SCN3A: variants seen among roughly 807,000 people sequenced by gnomAD.
The protein encoded by SCN3A is sodium voltage-gated channel alpha subunit 3.
A neutral mutation model predicts 187.6 loss-of-function variants in SCN3A; 60 were observed. The observed-to-expected ratio is 0.32, with a 90% CI of 0.26 to 0.40. SCN3A has a LOEUF of 0.40. SCN3A is among the 10% of genes least tolerant of loss of function. The pLI is 1.00. For missense variants in SCN3A, 1,601 were observed against 2,428.2 expected (o/e 0.66, Z 7.16); for synonymous variants, 788 against 829.2 (o/e 0.95, Z 0.85).
intron 21 of SCN3A, among the ~76,000 whole-genome samples, chr2:165,107,118 G>A (rs1685899916): frequency 6.6e-6 from 1 of 152,150 alleles, no homozygotes; most frequent in Non-Finnish European, 1.5e-5. Flanking sequence ...ATGAACATGT[G>A]CAGATAACAG....
intron 11 of SCN3A, among the ~76,000 whole-genome samples, chr2:165,148,992 A>AAT (rs1016639027): frequency 2.3e-4 from 35 of 152,118 alleles, no homozygotes; most frequent in African/African-American, 7.0e-4. Context: ...TGAAACAGTG[A>AAT]ATATATATAT....
intron 21 of SCN3A, among the ~76,000 whole-genome samples, chr2:165,102,660 C>T (rs796229634): frequency 5.3e-5 from 8 of 152,322 alleles, no homozygotes; most frequent in African/African-American, 1.9e-4. Context: ...GTTAGAGAAG[C>T]TGGGCTTAAT....
At chr2:165,120,799 C>A (rs1378574538) in intron 18 of SCN3A, among the ~76,000 whole-genome samples, 1 of 135,362 alleles carries the variant, frequency 7.4e-6, no homozygotes. Flanking sequence ...GCCAGTAGCT[C>A]TTTTTTTTTT....
In SCN3A at chr2:165,102,680, C is replaced by T. The variant is rs182499298; in HGVS notation, c.3844-2256G>A. On this transcript the variant is annotated intron_variant, in intron 21 of 27. Transcript: ENST00000283254. ...AGAAGCTGGGCTTAATGAAGCTACA[C>T]TTATTTTAATGGACCTCATGGCCCA... Among the ~76,000 whole-genome samples, 32 of 152,262 alleles carry T rather than the reference C, an allele frequency of 2.1e-4. No individual in the cohort carries two copies. In the East Asian group the frequency reaches 5.8e-3, roughly 28 times the overall value.
intron 18 of SCN3A, among the ~76,000 whole-genome samples, chr2:165,122,099 T>C (rs1009263473): frequency 2.6e-5 from 4 of 152,166 alleles, no homozygotes; most frequent in Non-Finnish European, 5.9e-5. Context: ...CACTATGGTT[T>C]TGCAGACATA....
chr2:165,115,128 A>G (rs1686298992), intron 19 of SCN3A, among the ~76,000 whole-genome samples: 2 of 152,118 alleles, frequency 1.3e-5, no homozygotes, highest in Non-Finnish European at 1.5e-5. Flanking sequence ...ATCATGGCTC[A>G]CTGTAGCCTC....
intron 21 of SCN3A, among the ~76,000 whole-genome samples, chr2:165,112,462 G>A (rs187603263): frequency 2.0e-4 from 30 of 152,270 alleles, no homozygotes; most frequent in African/African-American, 7.0e-4. Context: ...ACGTACTCTA[G>A]GAAGGGATTA....
chr2:165,135,862 GCTCT>G (rs1415390269), intron 15 of SCN3A, among the ~76,000 whole-genome samples: 2 of 151,960 alleles, frequency 1.3e-5, no homozygotes, highest in African/African-American at 4.8e-5. Context: ...TATAATTTAT[GCTCT>G]CTATCTTGGC....
chr2:165,188,424 C>A (rs1247124550), intron 1 of SCN3A, among the ~76,000 whole-genome samples: 3 of 152,130 alleles, frequency 2.0e-5, no homozygotes, highest in Non-Finnish European at 4.4e-5. Flanking sequence ...TTTTTAAAAG[C>A]AGCCCTGGCT....
At chr2:165,182,459 G>C (rs1690940165) in intron 2 of SCN3A, among the ~76,000 whole-genome samples, 1 of 152,150 alleles carries the variant, frequency 6.6e-6, no homozygotes, top group South Asian at 2.1e-4. Context: ...AACCTAAAGG[G>C]TGAGCACAGT....
At chr2:165,122,587 A>G (rs1237961067) in intron 18 of SCN3A, among the ~76,000 whole-genome samples, 2 of 152,206 alleles carry the variant, frequency 1.3e-5, no homozygotes, top group African/African-American at 4.8e-5. Flanking sequence ...AATTGGTTTT[A>G]AAAGGCTAAA....
At chr2:165,127,009 A>G (rs1687034424) in intron 18 of SCN3A, among the ~76,000 whole-genome samples, 1 of 152,220 alleles carries the variant, frequency 6.6e-6, no homozygotes, top group Admixed American at 6.5e-5. Flanking sequence ...TATTTTTTAA[A>G]GAACATAATG....
At chr2:165,112,102 A>G (rs1215479060) in intron 21 of SCN3A, among the ~76,000 whole-genome samples, 1 of 152,210 alleles carries the variant, frequency 6.6e-6, no homozygotes, top group Non-Finnish European at 1.5e-5. Flanking sequence ...TAGTATTTGA[A>G]GCACCTTGTT....
rs190771413 is a variant in SCN3A, at chr2:165,133,377, C to T, written c.2392-1960G>A. On this transcript the variant is annotated intron_variant, in intron 15 of 27. Transcript: ENST00000283254. ...TTATTTTTATTATTTTTTTTTGAGA[C>T]AGAGTCTCCCTCTGTTGCCCAGATT... Among the ~76,000 whole-genome samples the T allele has an allele frequency of 1.2e-3, 189 of 151,930 alleles. 1 individual carries two copies. The highest frequency in any genetic ancestry group is 6.8e-3 in the Middle Eastern group (2 of 294).
rs1483286239 is a variant in SCN3A, at chr2:165,091,282, C to T, written c.4871G>A (p.Arg1624His). Residue 1624 changes from arginine to histidine, a missense_variant, in exon 28 of 28, where the codon CGT becomes CAT. Arg to His is a conservative substitution (Grantham distance 29, BLOSUM62 0). Coordinates refer to ENST00000283254, the MANE Select transcript of SCN3A (RefSeq NM_006922.4). ...TAGGATTCGGCCAATCCTGGCAAGA[C>T]GGATCACTCGGAACAAGGTAGGGGA... is the stretch of plus-strand genomic sequence containing the variant. ...FVSPTLFRVI[R>H]LARIGRILRL... is the part of the protein sequence containing the mutation. 3 of 1,614,086 alleles carry T rather than the reference C, an allele frequency of 1.9e-6. No homozygotes were observed. Among genetic ancestry groups the T allele is most frequent in the African/African-American group, 1.3e-5 (1 of 75,012 alleles).
chr2:165,129,850 A>G, intron 17 of SCN3A, 90 bp downstream of exon 17: 2 of 1,516,118 alleles, frequency 1.3e-6, no homozygotes, highest in Admixed American at 1.7e-5. Context: ...CACTTACTAT[A>G]AACCAGAGAT....
chr2:165,100,407 C>A lies in SCN3A; in HGVS notation c.3861G>T (p.Leu1287=), dbSNP rs200815362. ...CTGAGTAGCCAAGAGCATTGGCTAC[C>A]AGGCTAACCAAAGAAACCTACAAAA... ...FLIVDVSLVS[L]VANALGYSEL... Residue 1287 remains leucine (L), a synonymous_variant, in exon 22 of 28, where the codon CTG becomes CTT. Transcript: ENST00000283254. 7 of 1,613,610 alleles carry A rather than the reference C, an allele frequency of 4.3e-6. No homozygotes were observed. Among genetic ancestry groups the A allele is most frequent in the South Asian group, 1.1e-5 (1 of 91,030 alleles).
At chr2:165,138,629 A>G (rs937812209) in intron 14 of SCN3A, among the ~76,000 whole-genome samples, 1 of 152,076 alleles carries the variant, frequency 6.6e-6, no homozygotes, top group Non-Finnish European at 1.5e-5. Flanking sequence ...ATAAATTCAG[A>G]CTCAAATCTA....
At chr2:165,190,951 C>A (rs564937175) in intron 1 of SCN3A, among the ~76,000 whole-genome samples, 1 of 151,832 alleles carries the variant, frequency 6.6e-6, no homozygotes, top group African/African-American at 2.4e-5. Flanking sequence ...GTATATATGG[C>A]TGGGACCCAA....
Sources: gnomAD v4.1 joint callset for allele counts (sites outside exome capture counted in the v4.1 genomes callset) on GRCh38, gnomAD v4.1.1 for gene constraint, MANE v1.5 for transcripts, NCBI Gene and HGNC (gene_info 2026-07-23, HGNC 2026-07-21) for gene names.